FAM110B: variants seen among roughly 807,000 people sequenced by gnomAD.
FAM110B encodes the protein family with sequence similarity 110 member B.
FAM110B carries 6 observed loss-of-function variants against 20.4 expected under a neutral mutation model. The observed-to-expected ratio is 0.29, with a 90% CI of 0.16 to 0.58. FAM110B has a LOEUF of 0.58. Ranked by LOEUF, FAM110B falls within the 20% of genes least tolerant of loss-of-function variation. The pLI is 0.90. For synonymous variants in FAM110B, 226 were observed against 214.1 expected (o/e 1.06, Z -0.49); for missense variants, 434 against 498.2 (o/e 0.87, Z 1.23).
chr8:58,132,089 G>A (rs570556353), intron 3 of FAM110B, among the ~76,000 whole-genome samples: 5 of 150,826 alleles, frequency 3.3e-5, no homozygotes, highest in Non-Finnish European at 7.4e-5. Flanking sequence ...GGAGGGTGTC[G>A]CCACATTTTG....
chr8:58,144,904 G>A (rs1225830631), intron 3 of FAM110B, among the ~76,000 whole-genome samples: 1 of 152,170 alleles, frequency 6.6e-6, no homozygotes, highest in African/African-American at 2.4e-5. Context: ...ATTGATAAAC[G>A]TTCAACTATT....
intron 1 of FAM110B, among the ~76,000 whole-genome samples, chr8:58,026,487 G>C (rs1804858342): frequency 6.6e-6 from 1 of 151,848 alleles, no homozygotes; most frequent in Non-Finnish European, 1.5e-5. Context: ...TAGCACATTT[G>C]GAATCGTGAT....
At chr8:58,026,647 A>G (rs1804861041) in intron 1 of FAM110B, among the ~76,000 whole-genome samples, 1 of 152,192 alleles carries the variant, frequency 6.6e-6, no homozygotes, top group Non-Finnish European at 1.5e-5. Context: ...ACTTGCAAGA[A>G]GTATGGACAC....
At chr8:58,102,746 A>G (rs969079148) in intron 3 of FAM110B, among the ~76,000 whole-genome samples, 3 of 152,020 alleles carry the variant, frequency 2.0e-5, no homozygotes, top group Non-Finnish European at 4.4e-5. Flanking sequence ...CATAGTTTCC[A>G]GTGGGAGCAT....
At chr8:58,120,482 C>T (rs890013317) in intron 3 of FAM110B, among the ~76,000 whole-genome samples, 1 of 152,188 alleles carries the variant, frequency 6.6e-6, no homozygotes, top group African/African-American at 2.4e-5. Context: ...CACCAACAGC[C>T]ATTATCTACC....
intron 1 of FAM110B, among the ~76,000 whole-genome samples, chr8:58,006,901 G>GTATATATATATATATATATCTATA (rs1804415736): frequency 1.0e-5 from 1 of 97,496 alleles, no homozygotes; most frequent in Non-Finnish European, 2.2e-5. Context: ...GGCTTAATTG[G>GTATATATATATATATATATCTATA]TATATATATA....
chr8:58,076,415 G>C (rs993807356), intron 3 of FAM110B, among the ~76,000 whole-genome samples: 2 of 152,194 alleles, frequency 1.3e-5, no homozygotes, highest in African/African-American at 2.4e-5. Flanking sequence ...CAGGAACTGA[G>C]ACTGAGGAGG....
intron 1 of FAM110B, among the ~76,000 whole-genome samples, chr8:58,017,480 T>A (rs1323781436): frequency 2.6e-5 from 4 of 152,186 alleles, no homozygotes; most frequent in Non-Finnish European, 5.9e-5. Context: ...CCTCAGGTAC[T>A]CTTTACTATT....
chr8:58,026,602 G>A (rs536914176), intron 1 of FAM110B, among the ~76,000 whole-genome samples: 9 of 151,962 alleles, frequency 5.9e-5, no homozygotes, highest in Non-Finnish European at 7.4e-5. Context: ...TGAAAGTCCC[G>A]TGACCACAAC....
chr8:58,016,326 G>C (rs1302943342), intron 1 of FAM110B, among the ~76,000 whole-genome samples: 1 of 152,212 alleles, frequency 6.6e-6, no homozygotes, highest in East Asian at 1.9e-4. Context: ...TTCACATTCT[G>C]TGGGGATTCG....
At chr8:58,081,423 TCTCGAACTCCTGAC>T (rs1397892515) in intron 3 of FAM110B, among the ~76,000 whole-genome samples, 1 of 152,142 alleles carries the variant, frequency 6.6e-6, no homozygotes, top group Non-Finnish European at 1.5e-5. Flanking sequence ...GATACGCTGG[TCTCGAACTCCTGAC>T]CTCAAGTGAT....
chr8:58,020,982 C>T (rs990690621), intron 1 of FAM110B, among the ~76,000 whole-genome samples: 3 of 152,122 alleles, frequency 2.0e-5, no homozygotes, highest in African/African-American at 7.2e-5. Context: ...CCTTAGGCTC[C>T]TTTGCATTTA....
At position 58,147,422 on chromosome 8, in the gene FAM110B, G is replaced by C; in HGVS notation, c.*79G>C. 1 of 1,492,130 alleles carries C rather than the reference G, an allele frequency of 6.7e-7. No individual in the cohort carries two copies. Among genetic ancestry groups the C allele is most frequent in the South Asian group, 1.3e-5 (1 of 76,146 alleles). 92.4% of individuals were successfully genotyped at this position (1,492,130 alleles called of 1,614,324 possible). A position where few individuals can be genotyped will look rare whatever the true frequency, so the allele number is the denominator to read the frequency against. Reference sequence around the variant, plus strand: ...GGTTGTGAGGTCTCCTTGAAGTGTTGTGAGCTTCTCCACTCTTTGTGTTGC... The same window carrying C: ...GGTTGTGAGGTCTCCTTGAAGTGTTCTGAGCTTCTCCACTCTTTGTGTTGC... On this transcript the variant is annotated 3_prime_UTR_variant, in exon 4 of 4. Transcript: ENST00000519262.
chr8:58,024,737 G>C (rs1488583062), intron 1 of FAM110B, among the ~76,000 whole-genome samples: 1 of 152,112 alleles, frequency 6.6e-6, no homozygotes, highest in Non-Finnish European at 1.5e-5. Context: ...AGTGACCCTT[G>C]CAGGAAGGGG....
chr8:58,043,920 A>T (rs936239193), intron 2 of FAM110B, among the ~76,000 whole-genome samples: 2 of 152,256 alleles, frequency 1.3e-5, no homozygotes, highest in African/African-American at 2.4e-5. Flanking sequence ...AATCAGACTG[A>T]TTCTAGAATT....
intron 3 of FAM110B, among the ~76,000 whole-genome samples, chr8:58,144,098 A>G (rs1474645598): frequency 6.6e-6 from 1 of 152,196 alleles, no homozygotes; most frequent in East Asian, 1.9e-4. Context: ...CCCACTGCCC[A>G]CTAGGTGGTA....
chr8:58,127,754 T>A (rs1172105316), intron 3 of FAM110B, among the ~76,000 whole-genome samples: 1 of 151,914 alleles, frequency 6.6e-6, no homozygotes, highest in Admixed American at 6.6e-5. Flanking sequence ...ATAAAACACA[T>A]CTAGAACTTA....
rs755324414 is a variant in FAM110B at position 58,147,045 on chromosome 8, C to T, written c.815C>T (p.Ala272Val). 2 of 1,614,176 alleles carry T rather than the reference C, an allele frequency of 1.2e-6. No individual in the cohort carries two copies. Among genetic ancestry groups the T allele is most frequent in the East Asian group, 4.5e-5 (2 of 44,884 alleles). ...AGTGACAGATATTTCCGAGTGGACG[C>T]GGACGTGGAGAGGTTCTTCAACTAC... Reference protein sequence around the residue: ...DLSDRYFRVDADVERFFNYCG... With the variant: ...DLSDRYFRVDVDVERFFNYCG... Residue 272 changes from alanine (A) to valine (V), a missense_variant, in exon 4 of 4, where the codon GCG becomes GTG. Ala to Val is a moderately conservative substitution (Grantham distance 64). Around this residue, in one of 3 missense-constraint regions of FAM110B, gnomAD observed 94 missense variants for 137.8 expected, o/e 0.68. Transcript: ENST00000519262.
At chr8:58,088,501 GA>G (rs1270341569) in intron 3 of FAM110B, among the ~76,000 whole-genome samples, 3 of 152,222 alleles carry the variant, frequency 2.0e-5, no homozygotes, top group African/African-American at 7.2e-5. Flanking sequence ...GATTTGAGTA[GA>G]AGGATTGTAT....
Sources: allele counts gnomAD v4.1 joint callset (sites outside exome capture counted in the v4.1 genomes callset), GRCh38; gene constraint gnomAD v4.1.1; regional missense constraint gnomAD v4.1.1; transcripts MANE v1.5; gene names NCBI Gene and HGNC (gene_info 2026-07-23, HGNC 2026-07-21).